The following MROH2B variants were observed in gnomAD, a reference collection of about 807,000 sequenced individuals.
MROH2B encodes maestro heat-like repeat-containing protein family member 2B.
A neutral mutation model predicts 208.6 loss-of-function variants in MROH2B; 177 were observed. The ratio of observed to expected loss-of-function variants is 0.85; its 90% CI spans 0.75 to 0.96. The LOEUF (loss-of-function observed/expected upper bound fraction) is 0.96. MROH2B is among the 40% of genes least tolerant of loss of function. The probability of loss-of-function intolerance (pLI) is 0.00; values close to 1 mark genes in which losing one functional copy is unlikely to be tolerated. For synonymous variants in MROH2B, 728 were observed against 659.0 expected (o/e 1.10, Z -1.60); for missense variants, 2,002 against 1,878.7 (o/e 1.07, Z -1.21).
rs1008398342 is a variant in MROH2B, at chr5:41,039,434, A to T, written c.2061+14T>A. On this transcript the variant is annotated intron_variant, in intron 20 of 41. Coordinates refer to ENST00000399564, the MANE Select transcript of MROH2B (RefSeq NM_173489.5). The stretch of plus-strand genomic sequence containing the variant: ...TTGCAATACTGAGAATTTGAAGGAG[A>T]TGATTCTTCTTACCTTACATCGATT... 1 of 1,481,786 alleles carries T rather than the reference A, an allele frequency of 6.7e-7. No homozygotes were observed. Among genetic ancestry groups the T allele is most frequent in the Non-Finnish European group, 9.3e-7 (1 of 1,077,530 alleles). The allele number at this position is 1,481,786 out of a possible 1,614,324, so 91.8% of individuals were successfully genotyped here.
intron 41 of MROH2B, among the ~76,000 whole-genome samples, chr5:40,998,369 T>A (rs1465346687): frequency 6.6e-6 from 1 of 152,146 alleles, no homozygotes; most frequent in Non-Finnish European, 1.5e-5. Context: ...GCCCTGACCT[T>A]GTGATCAGTA....
At position 41,015,489 on chromosome 5, in the gene MROH2B, C is replaced by T; in HGVS notation, c.2885-11G>A. On this transcript the variant is annotated splice_polypyrimidine_tract_variant and intron_variant, in intron 28 of 41. Coordinates refer to ENST00000399564, the MANE Select transcript of MROH2B (RefSeq NM_173489.5). ...CTTCCAAGTGAATGCCTAAAATCAA[C>T]AAAGTGAGAAATGTTTAAGTGTTCA... is the stretch of plus-strand genomic sequence containing the variant. 2 of 1,612,506 alleles carry T rather than the reference C, an allele frequency of 1.2e-6. No individual in the cohort carries two copies. Among genetic ancestry groups the T allele is most frequent in the Non-Finnish European group, 1.7e-6 (2 of 1,179,064 alleles).
intron 16 of MROH2B, 31 bp from the exon 17 acceptor site, chr5:41,047,795 A>C: frequency 6.4e-7 from 1 of 1,557,066 alleles, no homozygotes; most frequent in Non-Finnish European, 8.7e-7. Flanking sequence ...AATAATCGCA[A>C]AAAAACAAAA....
chr5:41,003,758 G>A (rs774962897), intron 37 of MROH2B, among the ~76,000 whole-genome samples: 2 of 152,136 alleles, frequency 1.3e-5, no homozygotes, highest in African/African-American at 4.8e-5. Flanking sequence ...TGAGGAAGCA[G>A]GTTTAGATTA....
intron 29 of MROH2B, among the ~76,000 whole-genome samples, 196 bp from the exon 30 acceptor site, chr5:41,012,931 C>G (rs954591196): frequency 1.3e-5 from 2 of 152,150 alleles, no homozygotes; most frequent in African/African-American, 4.8e-5. Context: ...GCAAACTTTC[C>G]GTGGAGTTGC....
chr5:41,042,043 A>T (rs1404520070), intron 19 of MROH2B, 49 bp downstream of exon 19: 3 of 1,006,716 alleles, frequency 3.0e-6, no homozygotes, highest in East Asian at 5.2e-5. Flanking sequence ...GGATAGGATT[A>T]GTTGTGTTGT....
At chr5:41,005,904 T>A (rs2329436) in intron 34 of MROH2B, among the ~76,000 whole-genome samples, 2 of 151,578 alleles carry the variant, frequency 1.3e-5, no homozygotes, top group African/African-American at 2.4e-5. Flanking sequence ...GGTGGTGTGC[T>A]CCTGTAGTCC....
intron 21 of MROH2B, among the ~76,000 whole-genome samples, chr5:41,038,063 G>A (rs1202642124): frequency 6.6e-6 from 1 of 152,198 alleles, no homozygotes; most frequent in Non-Finnish European, 1.5e-5. Context: ...GGTCAGGTTG[G>A]CTGGGATGAA....
Position 41,017,966 on chromosome 5 carries a change from G to C in MROH2B, c.2768C>G (p.Pro923Arg). The change falls in exon 28 of 42, where the codon CCA becomes CGA. Residue 923 changes from proline to arginine, a missense_variant. Coordinates refer to ENST00000399564, the MANE Select transcript of MROH2B (RefSeq NM_173489.5). The stretch of plus-strand genomic sequence containing the variant: ...CAGTGAACCAATTTTAAAGTTCTCT[G>C]GTGCCTGCAGGATAAAGGAGGCATC... ...AKVLTNDIEA[P>R]ENFKIGSLLG... 1 of 1,572,346 alleles carries C rather than the reference G, an allele frequency of 6.4e-7. No individual in the cohort carries two copies. Among genetic ancestry groups the C allele is most frequent in the Non-Finnish European group, 8.6e-7 (1 of 1,157,464 alleles).
chr5:41,030,402 A>G (rs1485721753), intron 24 of MROH2B, among the ~76,000 whole-genome samples: 1 of 152,084 alleles, frequency 6.6e-6, no homozygotes, highest in Non-Finnish European at 1.5e-5. Flanking sequence ...ATACCTAGAA[A>G]TATACTTAAC....
At chr5:41,034,158 C>A (rs1004062897) in intron 21 of MROH2B, 3 of 736,304 alleles carry the variant, frequency 4.1e-6, no homozygotes, top group African/African-American at 1.9e-5. Context: ...TTTAAAGAGG[C>A]TCAACAGACT....
At chr5:41,026,270 T>G (rs928857487) in intron 24 of MROH2B, among the ~76,000 whole-genome samples, 2 of 152,212 alleles carry the variant, frequency 1.3e-5, no homozygotes, top group Non-Finnish European at 2.9e-5. Context: ...ATGACATGAT[T>G]GTATATCTAG....
At position 41,058,132 on chromosome 5, in the gene MROH2B, G is replaced by A. The variant is rs1201772851; in HGVS notation, c.687C>T (p.Tyr229=). The part of the protein sequence containing the change: ...LLLHREDFRG[Y]ALGQVPWLLN... ...GGAGCCAGGGCACCTGGCCCAGGGC[G>A]TATCCACGGAAGTCTTCCCGATGCA... The change falls in exon 7 of 42, where the codon TAC becomes TAT. Residue 229 remains tyrosine, a synonymous_variant. Coordinates refer to ENST00000399564, the MANE Select transcript of MROH2B (RefSeq NM_173489.5). The A allele has an allele frequency of 1.9e-6, 3 of 1,605,784 alleles. No homozygotes were observed. The highest frequency in any genetic ancestry group is 1.1e-5 in the South Asian group (1 of 89,374).
intron 28 of MROH2B, among the ~76,000 whole-genome samples, chr5:41,016,310 C>T (rs184939006): frequency 1.3e-3 from 203 of 152,076 alleles, no homozygotes; most frequent in Middle Eastern, 3.4e-3. Context: ...TTTCTTCCAT[C>T]GGCGAAAATG....
chr5:41,014,869 G>T (rs1447663150), intron 29 of MROH2B, among the ~76,000 whole-genome samples: 3 of 151,730 alleles, frequency 2.0e-5, no homozygotes, highest in African/African-American at 7.3e-5. Context: ...GCTTATTTTT[G>T]GATTTCCTTT....
chr5:41,014,956 T>C (rs1032077856), intron 29 of MROH2B, among the ~76,000 whole-genome samples: 4 of 152,218 alleles, frequency 2.6e-5, no homozygotes, highest in Non-Finnish European at 5.9e-5. Context: ...TTACATATGG[T>C]AGGTGCTCAG....
At chr5:41,023,740 T>C (rs1742245748) in intron 24 of MROH2B, among the ~76,000 whole-genome samples, 4 of 151,846 alleles carry the variant, frequency 2.6e-5, no homozygotes, top group African/African-American at 7.3e-5. Context: ...GTCAGATACA[T>C]CAAAGTTGAA....
chr5:41,020,442 C>A (rs1030823241), intron 24 of MROH2B, among the ~76,000 whole-genome samples: 4 of 152,152 alleles, frequency 2.6e-5, no homozygotes, highest in Non-Finnish European at 5.9e-5. Flanking sequence ...TTTCTCTTAT[C>A]CTGCCTCTTA....
chr5:41,023,168 A>T (rs1742219236), intron 24 of MROH2B, among the ~76,000 whole-genome samples: 1 of 152,222 alleles, frequency 6.6e-6, no homozygotes, highest in African/African-American at 2.4e-5. Flanking sequence ...GCTCCTCACA[A>T]GCAATGGAAC....
Sources: gnomAD v4.1 joint callset for allele counts (sites outside exome capture counted in the v4.1 genomes callset) on GRCh38, gnomAD v4.1.1 for gene constraint, MANE v1.5 for transcripts, NCBI Gene and HGNC (gene_info 2026-07-23, HGNC 2026-07-21) for gene names.